The following ZNF559 variants were observed in gnomAD, a reference collection of about 807,000 sequenced individuals.
ZNF559 encodes putative protein product of Nbla00121.
Under a neutral mutation model 14.2 loss-of-function variants are expected in ZNF559, and 17 were observed. The ratio of observed to expected loss-of-function variants is 1.20; its 90% CI spans 0.82 to 1.80. ZNF559 has a LOEUF of 1.80. Ranked by LOEUF, ZNF559 falls within the 40% of genes most tolerant of loss-of-function variation. The pLI, the probability that ZNF559 is intolerant of heterozygous loss-of-function variation, is 0.00. For missense variants in ZNF559, 740 were observed against 629.7 expected, an observed-to-expected ratio of 1.18 and a Z score of -1.88; for synonymous variants, 244 against 212.4, an observed-to-expected ratio of 1.15 and a Z score of -1.29.
intron 2 of ZNF559, among the ~76,000 whole-genome samples, chr19:9,336,072 T>TA (rs771234686): frequency 1.3e-5 from 2 of 152,162 alleles, no homozygotes; most frequent in Non-Finnish European, 1.5e-5. Context: ...GAACCATTAT[T>TA]ATTACTCTAT....
rs776002170 is a variant in ZNF559 at position 9,341,690 on chromosome 19, A to G, written c.244-5A>G. 1.3e-6 allele frequency: 2 copies of G among 1,597,036 alleles called. No homozygotes were observed. The highest frequency in any genetic ancestry group is 2.7e-5 in the African/African-American group (2 of 73,570). On this transcript the variant is annotated splice_polypyrimidine_tract_variant and splice_region_variant and intron_variant, in intron 6 of 6. Transcript: ENST00000603380. ...CTATGAACCATCATTAATTTTCACC[A>G]ACAGGAGAGAAACCATTTTGGAGAG...
chr19:9,323,973 T>G, upstream of ZNF559: 1 of 590,042 alleles, frequency 1.7e-6, no homozygotes, highest in Non-Finnish European at 3.0e-6. Flanking sequence ...TTTTGTCTAA[T>G]TCTTTGTTCA....
rs1568368686 is a variant in ZNF559 at position 9,342,286 on chromosome 19, G to A, written c.835G>A (p.Ala279Thr). 6.3e-7 allele frequency: 1 copy of A among 1,587,588 alleles called. No homozygotes were observed. Among genetic ancestry groups the A allele is most frequent in the Admixed American group, 1.9e-5 (1 of 53,554 alleles). ...ACATAAGAAATTTGGCAAAGCCTTTGCTTTTTCCCCAGATCTTGCTAAACA... is the reference window on the plus strand; with the variant it reads ...ACATAAGAAATTTGGCAAAGCCTTTACTTTTTCCCCAGATCTTGCTAAACA... ...IEHKKFGKAFAFSPDLAKHIR... is the reference protein window; with the variant it reads ...IEHKKFGKAFTFSPDLAKHIR... Residue 279 changes from alanine to threonine, a missense_variant, in exon 7 of 7, where the codon GCT becomes ACT. Physicochemically the swap from Ala to Thr is moderately conservative, Grantham distance 58 (BLOSUM62 0). Coordinates refer to ENST00000603380, the MANE Select transcript of ZNF559 (RefSeq NM_032497.3).
At chr19:9,336,380 T>C (rs950291528) in intron 2 of ZNF559, among the ~76,000 whole-genome samples, 1 of 151,824 alleles carries the variant, frequency 6.6e-6, no homozygotes. Flanking sequence ...TCACCTGAGG[T>C]TGGGAGTTCG....
intron 2 of ZNF559, among the ~76,000 whole-genome samples, chr19:9,335,727 G>A (rs1474249317): frequency 6.6e-6 from 1 of 152,102 alleles, no homozygotes; most frequent in Non-Finnish European, 1.5e-5. Flanking sequence ...TAGAGACGGG[G>A]TTTTACCATG....
chr19:9,344,043 A>G lies in ZNF559; in HGVS notation c.*975A>G, dbSNP rs2122333562. ...TGGATCATTTGAGGTCAGGAGTTCG[A>G]GACCAGCCTGGCCAACGTGGTGAAA... On this transcript the variant is annotated 3_prime_UTR_variant, in exon 7 of 7. Coordinates refer to ENST00000603380, the MANE Select transcript of ZNF559 (RefSeq NM_032497.3). 1 of 156,774 alleles carries G rather than the reference A, an allele frequency of 6.4e-6. No homozygotes were observed. Among genetic ancestry groups the G allele is most frequent in the Admixed American group, 6.5e-5 (1 of 15,296 alleles). The allele number at this position is 156,774 out of a possible 1,614,324, so 9.7% of individuals were successfully genotyped here.
Position 9,341,107 on chromosome 19 carries a change from G to T in ZNF559, c.166G>T (p.Glu56Ter). ...TTTTTTTCATCTTATTTCAGATTGG[G>T]AGAGTCATATTAATACCAAATGGTC... ...NYKNLVAVDW[E>*]SHINTKWSAP... Residue 56 changes from glutamate to a stop codon, truncating the protein, a stop_gained, in exon 6 of 7, where the codon GAG (glutamate) becomes TAG (stop). Coordinates refer to ENST00000603380, the MANE Select transcript of ZNF559 (RefSeq NM_032497.3). LOFTEE classifies it high-confidence loss of function. The T allele has an allele frequency of 6.3e-7, 1 of 1,598,490 alleles. No homozygotes were observed. The highest frequency in any genetic ancestry group is 8.5e-7 in the Non-Finnish European group (1 of 1,176,252).
rs2067693431 is a variant in ZNF559 at position 9,344,720 on chromosome 19, TTAAAGAC to T, written c.*1656_*1662del. 1 of 152,238 alleles carries T rather than the reference TTAAAGAC, an allele frequency of 6.6e-6. No individual in the cohort carries two copies. 9.4% of individuals were successfully genotyped at this position (152,238 alleles called of 1,614,324 possible). On this transcript the variant is annotated 3_prime_UTR_variant, in exon 7 of 7. Coordinates refer to ENST00000603380, the MANE Select transcript of ZNF559 (RefSeq NM_032497.3). The stretch of plus-strand genomic sequence containing the variant: ...TTTAAGTTTGCCTTTCTATATGTCT[TTAAAGAC>T]TAATGATATTGAACATCACTTTCAT...
chr19:9,332,343 G>A (rs1337240993), intron 2 of ZNF559, among the ~76,000 whole-genome samples: 1 of 112,192 alleles, frequency 8.9e-6, no homozygotes, highest in East Asian at 2.2e-4. Flanking sequence ...GTATACATAT[G>A]TATGTGTGTG....
chr19:9,324,213 C>T lies in ZNF559; in HGVS notation c.-221C>T, dbSNP rs1472863231. The T allele has an allele frequency of 1.5e-5, 23 of 1,535,990 alleles. No individual in the cohort carries two copies. The highest frequency in any genetic ancestry group is 2.0e-5 in the Non-Finnish European group (23 of 1,146,900). On this transcript the variant is annotated 5_prime_UTR_variant, in exon 1 of 7. Coordinates refer to ENST00000603380, the MANE Select transcript of ZNF559 (RefSeq NM_032497.3). ...ACGGCCGCCATCTTAACAGCGCGTT[C>T]CCGTTGGCGTCTGAGGTAAGTTTTT...
chr19:9,339,767 C>CTTTTTTTTT (rs200842205), intron 5 of ZNF559, among the ~76,000 whole-genome samples: 1 of 134,552 alleles, frequency 7.4e-6, no homozygotes, highest in African/African-American at 2.8e-5. Flanking sequence ...ACATTCTTTA[C>CTTTTTTTTT]TTTTTTTTTT....
At chr19:9,335,243 C>T (rs1350760283) in intron 2 of ZNF559, among the ~76,000 whole-genome samples, 1 of 151,882 alleles carries the variant, frequency 6.6e-6, no homozygotes, top group Non-Finnish European at 1.5e-5. Context: ...TCAAGATCAG[C>T]CTTTCCAACA....
At position 9,338,488 on chromosome 19, in the gene ZNF559, C is replaced by T; in HGVS notation, c.-56-6C>T. The T allele has an allele frequency of 6.2e-7, 1 of 1,610,324 alleles. No individual in the cohort carries two copies. The highest frequency in any genetic ancestry group is 8.5e-7 in the Non-Finnish European group (1 of 1,177,070). On this transcript the variant is annotated splice_region_variant and splice_polypyrimidine_tract_variant and intron_variant, in intron 3 of 6. Coordinates refer to ENST00000603380, the MANE Select transcript of ZNF559 (RefSeq NM_032497.3). ...GGATTCTCAGATTTTATTTCTTCTT[C>T]TTAAGATCATCTTTCTCAAGATGTT...
At chr19:9,334,235 A>G (rs189167753) in intron 2 of ZNF559, among the ~76,000 whole-genome samples, 1 of 152,350 alleles carries the variant, frequency 6.6e-6, no homozygotes, top group East Asian at 1.9e-4. Flanking sequence ...TTGGGACCAG[A>G]AGTCATTTGG....
chr19:9,327,241 G>GT (rs56108753), intron 2 of ZNF559, among the ~76,000 whole-genome samples: 83,079 of 150,216 alleles, frequency 0.55, 23,057 homozygotes, highest in Middle Eastern at 0.66. Context: ...GTTTTGTTTT[G>GT]TTTTTTTTTG....
At chr19:9,324,954 C>T (rs2066496074) in intron 2 of ZNF559, among the ~76,000 whole-genome samples, 174 bp downstream of exon 2, 1 of 152,142 alleles carries the variant, frequency 6.6e-6, no homozygotes, top group African/African-American at 2.4e-5. Flanking sequence ...CAAGGAAAAA[C>T]ACAGGACTAC....
At position 9,341,707 on chromosome 19, in the gene ZNF559, T is replaced by TTTGGAGAGGAAC; in HGVS notation, c.258_269dup (p.Gly87_Leu90dup). ...TTTTCACCAACAGGAGAGAAACCAT[T>TTTGGAGAGGAAC]TTGGAGAGGAACTGTTTGACTTTAA... On this transcript the variant is annotated inframe_insertion, in exon 7 of 7. Transcript: ENST00000603380. 1 of 1,597,524 alleles carries TTTGGAGAGGAAC rather than the reference T, an allele frequency of 6.3e-7. No homozygotes were observed. The highest frequency in any genetic ancestry group is 1.1e-5 in the South Asian group (1 of 89,178).
Position 9,342,650 on chromosome 19 carries a change from T to C in ZNF559, c.1199T>C (p.Met400Thr), listed in dbSNP as rs2067636203. The C allele has an allele frequency of 6.2e-7, 1 of 1,614,088 alleles. No homozygotes were observed. ...AATTCCTCTTCCTTTAAAAGTCACA[T>C]GCAGACTCATCCTGGTGTAAAACCC... Reference protein sequence around the residue: ...FINSSSFKSHMQTHPGVKPYD... With the variant: ...FINSSSFKSHTQTHPGVKPYD... The change falls in exon 7 of 7, where the codon ATG (methionine) becomes ACG (threonine). Residue 400 changes from methionine (M) to threonine (T), a missense_variant. Met to Thr is a moderately conservative substitution (Grantham distance 81, BLOSUM62 -1). Transcript: ENST00000603380.
chr19:9,341,201 A>G lies in ZNF559; in HGVS notation c.243+17A>G. 6.2e-7 allele frequency: 1 copy of G among 1,609,312 alleles called. No individual in the cohort carries two copies. ...GTGGAAATGGTAAGATTCAGAAGGT[A>G]TAATTTATTGTCTTCCATGTTAGAG... On this transcript the variant is annotated intron_variant, in intron 6 of 6. Coordinates refer to ENST00000603380, the MANE Select transcript of ZNF559 (RefSeq NM_032497.3).
Sources: allele counts gnomAD v4.1 joint callset (sites outside exome capture counted in the v4.1 genomes callset), GRCh38; gene constraint gnomAD v4.1.1; transcripts MANE v1.5; gene names NCBI Gene and HGNC (gene_info 2026-07-23, HGNC 2026-07-21).